PLS3: variants seen among roughly 807,000 people sequenced by gnomAD.
PLS3 encodes plastin-3.
A neutral mutation model predicts 46.5 loss-of-function variants in PLS3; 11 were observed. The ratio of observed to expected loss-of-function variants is 0.24; its 90% confidence interval spans 0.15 to 0.39. The LOEUF (loss-of-function observed/expected upper bound fraction) is 0.39, where lower values mean the gene tolerates loss of function less well. Ranked by LOEUF, PLS3 falls within the 10% of genes least tolerant of loss-of-function variation. The pLI is 1.00. For synonymous variants in PLS3, 167 were observed against 162.2 expected (o/e 1.03, Z -0.22); for missense variants, 308 against 461.8 (o/e 0.67, Z 3.05).
At chrX:115,613,921 A>T (rs1451398002) in intron 2 of PLS3, among the ~76,000 whole-genome samples, 1 of 111,510 alleles carries the variant, frequency 9.0e-6, no homozygotes, top group African/African-American at 3.2e-5. Context: ...TTTTTAAGTG[A>T]AGCCTGCTTT....
rs781912205 is a variant in PLS3 at position 115,576,657 on chromosome X, T to C, written c.-9+15397T>C. ...GACTCATAGAACTTTACTCTGTCAT[T>C]ATTTTCCAGATTCAACCCACAGCGA... On this transcript the variant is annotated intron_variant, in intron 1 of 15. Coordinates refer to ENST00000355899, the MANE Select transcript of PLS3 (RefSeq NM_005032.7). Among the ~76,000 whole-genome samples the C allele has an allele frequency of 1.4e-3, 158 of 111,042 alleles. 1 individual carries two copies. The highest frequency in any genetic ancestry group is 5.2e-3 in the African/African-American group (156 of 29,869).
intron 1 of PLS3, among the ~76,000 whole-genome samples, chrX:115,588,564 G>A (rs1442135940): frequency 2.7e-5 from 3 of 111,787 alleles, no homozygotes; most frequent in East Asian, 2.8e-4. Flanking sequence ...TAAAAGTTTC[G>A]TAGTCGCAAT....
intron 1 of PLS3, among the ~76,000 whole-genome samples, chrX:115,609,116 AT>A (rs2074523181): frequency 9.0e-6 from 1 of 110,793 alleles, no homozygotes; most frequent in East Asian, 2.9e-4. Context: ...TACCAAAAAA[AT>A]AAATCAGAAG....
chrX:115,638,602 C>T (rs993647848), intron 8 of PLS3, among the ~76,000 whole-genome samples: 7 of 112,356 alleles, frequency 6.2e-5, no homozygotes, highest in Admixed American at 9.4e-5. Flanking sequence ...GCAAGCCAAC[C>T]ATAAATGGAT....
Position 115,649,777 on chromosome X carries a change from C to G in PLS3, c.*216C>G, listed in dbSNP as rs184318952. 23 of 305,314 alleles carry G rather than the reference C, an allele frequency of 7.5e-5. No homozygotes were observed. The East Asian group carries it at 1.0e-3, about 13-fold the overall frequency. The allele number at this position is 305,314 out of a possible 1,213,427, so 25.2% of individuals were successfully genotyped here. A position where few individuals can be genotyped will look rare whatever the true frequency, so the allele number is the denominator to read the frequency against. Reference sequence around the variant, plus strand: ...TAGTCAGAGTTGAATTTGTCAGGCACGCCTGAAATGTGCTCATAGCCAAAA... The same window carrying G: ...TAGTCAGAGTTGAATTTGTCAGGCAGGCCTGAAATGTGCTCATAGCCAAAA... On this transcript the variant is annotated 3_prime_UTR_variant, in exon 16 of 16. Coordinates refer to ENST00000355899, the MANE Select transcript of PLS3 (RefSeq NM_005032.7).
chrX:115,629,800 A>G (rs782416043), intron 4 of PLS3, 35 bp from the exon 5 acceptor site: 1 of 918,465 alleles, frequency 1.1e-6, no homozygotes, highest in African/African-American at 1.9e-5. Context: ...AAGTTAGAGT[A>G]TGAACTAATG....
intron 1 of PLS3, among the ~76,000 whole-genome samples, chrX:115,570,918 C>T (rs1464512954): frequency 2.7e-5 from 2 of 74,972 alleles, no homozygotes; most frequent in African/African-American, 5.2e-5. Context: ...TTTTTTGAAA[C>T]GGAGTCTCAC....
At position 115,606,140 on chromosome X, in the gene PLS3, T is replaced by C. The variant is rs782766327; in HGVS notation, c.-8-4103T>C. Among the ~76,000 whole-genome samples, 97 of 101,562 alleles carry C rather than the reference T, an allele frequency of 9.6e-4. 1 individual carries two copies. Among genetic ancestry groups the C allele is most frequent in the African/African-American group, 3.4e-3 (93 of 27,660 alleles). The allele number at this position is 101,562 out of a possible 115,157, so 88.2% of individuals were successfully genotyped here. A position where few individuals can be genotyped will look rare whatever the true frequency, so the allele number is the denominator to read the frequency against. ...AACCATCTTATCTAATTTCTTTTTT[T>C]TTTCTTTCTTTTTTCTTTTCTTTTC... is the stretch of plus-strand genomic sequence containing the variant. On this transcript the variant is annotated intron_variant, in intron 1 of 15. Transcript: ENST00000355899.
At chrX:115,568,348 C>T (rs920294974) in intron 1 of PLS3, among the ~76,000 whole-genome samples, 1 of 111,824 alleles carries the variant, frequency 8.9e-6, no homozygotes, top group Non-Finnish European at 1.9e-5. Flanking sequence ...TTCAAGGTAA[C>T]TATAATTTTA....
rs1282060341 is a variant in PLS3, at chrX:115,605,352, G to GA, written c.-8-4887dup. Among the ~76,000 whole-genome samples the GA allele has an allele frequency of 1.7e-4, 19 of 112,249 alleles. No homozygotes were observed. The Admixed American group carries it at 1.7e-3, about 10-fold the overall frequency. On this transcript the variant is annotated intron_variant, in intron 1 of 15. Coordinates refer to ENST00000355899, the MANE Select transcript of PLS3 (RefSeq NM_005032.7). Reference sequence around the variant, plus strand: ...AAAGGCAATTAGAAATAAGAAACTTGAAAATTTTAAAATATATGTTTAATG... The same window carrying GA: ...AAAGGCAATTAGAAATAAGAAACTTGAAAAATTTTAAAATATATGTTTAATG...
At chrX:115,647,797 G>A (rs1174576955) in intron 14 of PLS3, 96 bp from the exon 15 acceptor site, 2 of 1,143,462 alleles carry the variant, frequency 1.7e-6, no homozygotes, top group Non-Finnish European at 1.2e-6. Context: ...AATTCTTTAC[G>A]AATTCACTGG....
chrX:115,573,747 A>G (rs1479756902), intron 1 of PLS3, among the ~76,000 whole-genome samples: 2 of 111,261 alleles, frequency 1.8e-5, no homozygotes, highest in African/African-American at 6.5e-5. Flanking sequence ...TCTGTTGCCC[A>G]GACTGGAGTG....
At chrX:115,635,139 A>G in intron 7 of PLS3, 93 bp downstream of exon 7, 1 of 736,826 alleles carries the variant, frequency 1.4e-6, no homozygotes, top group South Asian at 2.6e-5. Flanking sequence ...AGGTGATTAA[A>G]TGGTGGTAAC....
chrX:115,607,976 T>C (rs1381699747), intron 1 of PLS3, among the ~76,000 whole-genome samples: 1 of 111,608 alleles, frequency 9.0e-6, no homozygotes, highest in Non-Finnish European at 1.9e-5. Context: ...AAAAAGGAGA[T>C]TAGAATATTT....
In PLS3 at chrX:115,647,596, A is replaced by G; in HGVS notation, c.1558A>G (p.Asn520Asp). 8.3e-7 allele frequency: 1 copy of G among 1,199,100 alleles called. No individual in the cohort carries two copies. The highest frequency in any genetic ancestry group is 1.1e-6 in the Non-Finnish European group (1 of 883,842). The change falls in exon 14 of 16, where the codon AAT (asparagine) becomes GAT (aspartate). Residue 520 changes from asparagine (N) to aspartate (D), a missense_variant. Asn to Asp is a conservative substitution (Grantham distance 23). This residue lies in a region of PLS3 where 271 missense variants were observed against 435.7 expected (regional missense o/e 0.62). Transcript: ENST00000355899. ...AGATCTTGGAGATGGTCAGAAAGCC[A>G]ATGACGACATCATTGTGAACTGGGT... ...LEDLGDGQKANDDIIVNWVNR... is the reference protein window; with the variant it reads ...LEDLGDGQKADDDIIVNWVNR...
intron 2 of PLS3, among the ~76,000 whole-genome samples, chrX:115,612,159 C>T (rs1477211759): frequency 9.0e-6 from 1 of 111,410 alleles, no homozygotes; most frequent in Non-Finnish European, 1.9e-5. Flanking sequence ...ATATACATAG[C>T]CTTTTGATGT....
chrX:115,579,654 A>G (rs986293378), intron 1 of PLS3, among the ~76,000 whole-genome samples: 1 of 111,903 alleles, frequency 8.9e-6, no homozygotes, highest in Non-Finnish European at 1.9e-5. Flanking sequence ...CATAATAACT[A>G]ATGATGTTTA....
chrX:115,635,745 T>C (rs2074827831), intron 7 of PLS3, among the ~76,000 whole-genome samples: 1 of 108,614 alleles, frequency 9.2e-6, no homozygotes, highest in East Asian at 2.9e-4. Context: ...ATCCCAGCAC[T>C]TTGGGAGGCC....
chrX:115,646,324 C>A, intron 12 of PLS3, 78 bp from the exon 13 acceptor site: 2 of 1,030,231 alleles, frequency 1.9e-6, no homozygotes, highest in Non-Finnish European at 2.7e-6. Context: ...TGATACCTAG[C>A]ATTATACAAG....
Sources: allele counts gnomAD v4.1 joint callset (sites outside exome capture counted in the v4.1 genomes callset), GRCh38; gene constraint gnomAD v4.1.1; regional missense constraint gnomAD v4.1.1; transcripts MANE v1.5; gene names NCBI Gene and HGNC (gene_info 2026-07-23, HGNC 2026-07-21).